The following PIK3R5 variants were observed in gnomAD, a reference collection of about 807,000 sequenced individuals.
PIK3R5 encodes the protein phosphoinositide-3-kinase regulatory subunit 5, also known as phosphoinositide 3-kinase regulatory subunit 5.
PIK3R5 carries 32 observed loss-of-function variants against 94.9 expected under a neutral mutation model. The ratio of observed to expected loss-of-function variants is 0.34; its 90% CI spans 0.25 to 0.45. PIK3R5 has a LOEUF of 0.45. PIK3R5 is among the 20% of genes least tolerant of loss of function. The pLI, the probability that PIK3R5 is intolerant of heterozygous loss-of-function variation, is 1.00. For missense variants in PIK3R5, 853 were observed against 1,144.6 expected, an observed-to-expected ratio of 0.75 and a Z score of 3.68; for synonymous variants, 443 against 479.4, an observed-to-expected ratio of 0.92 and a Z score of 0.99.
chr17:8,946,972 C>T (rs1371244736), intron 1 of PIK3R5, among the ~76,000 whole-genome samples: 1 of 152,186 alleles, frequency 6.6e-6, no homozygotes, highest in East Asian at 1.9e-4. Flanking sequence ...ATTTCTGTAA[C>T]TCCCAGCCCC....
chr17:8,937,664 A>G (rs1416169016), intron 1 of PIK3R5, among the ~76,000 whole-genome samples: 1 of 152,196 alleles, frequency 6.6e-6, no homozygotes, highest in Non-Finnish European at 1.5e-5. Flanking sequence ...TTACACCTAT[A>G]TTAATGAAAG....
At chr17:8,917,542 T>A (rs1203159098) in intron 1 of PIK3R5, among the ~76,000 whole-genome samples, 1 of 152,214 alleles carries the variant, frequency 6.6e-6, no homozygotes, top group African/African-American at 2.4e-5. Flanking sequence ...TTATTAAATA[T>A]GTTTCTCATA....
Position 8,888,044 on chromosome 17 carries a change from T to C in PIK3R5, c.1616+127A>G, listed in dbSNP as rs918798904. 1 of 282,348 alleles carries C rather than the reference T, an allele frequency of 3.5e-6. No homozygotes were observed. The highest frequency in any genetic ancestry group is 6.3e-6 in the Non-Finnish European group (1 of 159,744). 17.5% of individuals were successfully genotyped at this position (282,348 alleles called of 1,614,324 possible). A position where few individuals can be genotyped will look rare whatever the true frequency, so the allele number is the denominator to read the frequency against. ...ATAATAATAATAATAATAATAATAATAATAAAATAAAAATAAATAAGGGAA... is the reference window on the plus strand; with the variant it reads ...ATAATAATAATAATAATAATAATAACAATAAAATAAAAATAAATAAGGGAA... On this transcript the variant is annotated intron_variant, in intron 10 of 18. Transcript: ENST00000447110. This position sits in a 1 kb window ranked among gnomAD's most constrained non-coding sequence, Gnocchi z 7.8.
intron 1 of PIK3R5, among the ~76,000 whole-genome samples, chr17:8,964,150 G>A (rs1473378724): frequency 6.6e-6 from 1 of 152,120 alleles, no homozygotes; most frequent in Non-Finnish European, 1.5e-5. Flanking sequence ...CAGCACTTTG[G>A]AAGGCCAAGG....
Position 8,896,755 on chromosome 17 carries a change from C to T in PIK3R5, c.413-3100G>A, listed in dbSNP as rs548826609. On this transcript the variant is annotated intron_variant, in intron 5 of 18. Coordinates refer to ENST00000447110, the MANE Select transcript of PIK3R5 (RefSeq NM_001142633.3). The surrounding 1 kb of genome is among the most constrained non-coding windows in gnomAD (Gnocchi z 4.0). ...AGCAAGCACTGGTATTAATGACACA[C>T]GGATAGACAGGTCCATGCTGAGGGT... Among the ~76,000 whole-genome samples, 16 of 152,328 alleles carry T rather than the reference C, an allele frequency of 1.1e-4. No individual in the cohort carries two copies. Among genetic ancestry groups the T allele is most frequent in the South Asian group, 6.2e-4 (3 of 4,828 alleles).
intron 1 of PIK3R5, among the ~76,000 whole-genome samples, chr17:8,918,830 T>C (rs2151425474): frequency 6.6e-6 from 1 of 152,346 alleles, no homozygotes; most frequent in Non-Finnish European, 1.5e-5. Context: ...CAATAAGCTA[T>C]ACATATCAGC....
chr17:8,959,150 T>C lies in PIK3R5; in HGVS notation c.-14+6446A>G, dbSNP rs1037668709. Reference sequence around the variant, plus strand: ...AGAGCAGTGGCCCAGTGTGCAGTCATGAGATGGCCCCCAGCACGCCGCTTC... The same window carrying C: ...AGAGCAGTGGCCCAGTGTGCAGTCACGAGATGGCCCCCAGCACGCCGCTTC... On this transcript the variant is annotated intron_variant, in intron 1 of 18. Transcript: ENST00000447110. 5.3e-5 allele frequency among the ~76,000 whole-genome samples: 8 copies of C among 152,270 alleles called. No individual in the cohort carries two copies. In the East Asian group the frequency reaches 7.7e-4, roughly 15 times the overall value.
chr17:8,885,325 TC>T (rs2089795433), intron 14 of PIK3R5, among the ~76,000 whole-genome samples: 1 of 83,556 alleles, frequency 1.2e-5, no homozygotes. Context: ...TAACACCGCC[TC>T]CCCAGGGCCC....
rs1567679194 is a variant in PIK3R5, at chr17:8,965,001, C to CACACA, written c.-14+594_-14+595insTGTGT. Among the ~76,000 whole-genome samples, 698 of 150,798 alleles carry CACACA rather than the reference C, an allele frequency of 4.6e-3. 2 individuals are homozygous for CACACA. Among genetic ancestry groups the CACACA allele is most frequent in the Middle Eastern group, 0.028 (8 of 290 alleles). On this transcript the variant is annotated intron_variant, in intron 1 of 18. Transcript: ENST00000447110. ...GGCCAGCACGCGCACATGCGCATGC[C>CACACA]CACACACACACACACACACACACAC...
chr17:8,883,367 C>CA (rs1402280823), intron 15 of PIK3R5, among the ~76,000 whole-genome samples: 2 of 152,078 alleles, frequency 1.3e-5, no homozygotes, highest in Non-Finnish European at 2.9e-5. Context: ...GACTATGTCT[C>CA]AAAAAAACAA....
chr17:8,947,132 C>A (rs1214760371), intron 1 of PIK3R5, among the ~76,000 whole-genome samples: 1 of 148,728 alleles, frequency 6.7e-6, no homozygotes, highest in African/African-American at 2.6e-5. Context: ...GATACAGATG[C>A]GGCTTTTCTC....
At chr17:8,899,529 C>A (rs1036611842) in intron 5 of PIK3R5, among the ~76,000 whole-genome samples, 3 of 152,264 alleles carry the variant, frequency 2.0e-5, no homozygotes, top group East Asian at 3.9e-4. Context: ...GATGAGGAAA[C>A]GGAAGCTCAC....
chr17:8,925,297 AGATAGATAGTAGATG>A lies in PIK3R5; in HGVS notation c.-13-13805_-13-13791del, dbSNP rs947032830. 6.6e-5 allele frequency among the ~76,000 whole-genome samples: 10 copies of A among 152,068 alleles called. No individual in the cohort carries two copies. The highest frequency in any genetic ancestry group is 2.6e-4 in the Admixed American group (4 of 15,294). ...GATGATAGATAGTAGATGGATAGAT[AGATAGATAGTAGATG>A]GATAGATAGTAGATGGATAGACAGT... On this transcript the variant is annotated intron_variant, in intron 1 of 18. Coordinates refer to ENST00000447110, the MANE Select transcript of PIK3R5 (RefSeq NM_001142633.3). This position sits in a 1 kb window ranked among gnomAD's most constrained non-coding sequence, Gnocchi z 5.1.
chr17:8,906,246 C>T (rs962535261), intron 3 of PIK3R5, among the ~76,000 whole-genome samples: 3 of 152,104 alleles, frequency 2.0e-5, no homozygotes, highest in Non-Finnish European at 1.5e-5. Context: ...TGAGTGAGAA[C>T]ATGCGGTGTT....
intron 1 of PIK3R5, chr17:8,915,716 G>A: frequency 6.6e-6 from 1 of 152,494 alleles, no homozygotes; most frequent in South Asian, 2.1e-4. Flanking sequence ...ATGCCATGAA[G>A]CAGGAGTGAG....
chr17:8,946,473 A>G (rs1202611045), intron 1 of PIK3R5, among the ~76,000 whole-genome samples: 3 of 151,712 alleles, frequency 2.0e-5, no homozygotes, highest in Non-Finnish European at 2.9e-5. Flanking sequence ...CTACTATGAG[A>G]CAGCACCATC....
chr17:8,954,657 C>T lies in PIK3R5; in HGVS notation c.-14+10939G>A, dbSNP rs545720595. 8.5e-5 allele frequency among the ~76,000 whole-genome samples: 13 copies of T among 152,228 alleles called. 1 individual carries two copies. The highest frequency in any genetic ancestry group is 3.3e-4 in the Admixed American group (5 of 15,290). ...GGAGGGTGGTAAGAAGATTCCCTGC[C>T]GGGTGCGGTGGCTCATGCCTTTAAT... On this transcript the variant is annotated intron_variant, in intron 1 of 18. Transcript: ENST00000447110.
intron 1 of PIK3R5, among the ~76,000 whole-genome samples, chr17:8,951,755 A>G (rs1339047369): frequency 2.0e-5 from 3 of 152,242 alleles, no homozygotes; most frequent in African/African-American, 7.2e-5. Flanking sequence ...AGAAGGGATA[A>G]AGAACATCTA....
In PIK3R5 at chr17:8,950,481, T is replaced by C. The variant is rs138774010; in HGVS notation, c.-14+15115A>G. Among the ~76,000 whole-genome samples the C allele has an allele frequency of 3.9e-4, 60 of 152,336 alleles. 1 individual carries two copies. The highest frequency in any genetic ancestry group is 3.4e-4 in the Non-Finnish European group (23 of 68,038). ...CCCACTGAGAGTCCACAATGTCTAT[T>C]GCTCCCATGTTTATGTCTACTTGTG... On this transcript the variant is annotated intron_variant, in intron 1 of 18. Transcript: ENST00000447110.
Sources: allele counts gnomAD v4.1 joint callset (sites outside exome capture counted in the v4.1 genomes callset), GRCh38; gene constraint gnomAD v4.1.1; non-coding constraint Gnocchi (gnomAD v3.1); transcripts MANE v1.5; gene names NCBI Gene and HGNC (gene_info 2026-07-23, HGNC 2026-07-21).